INSL3: variants seen among roughly 807,000 people sequenced by gnomAD.
INSL3 encodes the protein insulin like 3.
INSL3 carries 6 observed loss-of-function variants against 5.5 expected under a neutral mutation model. The ratio of observed to expected loss-of-function variants is 1.08; its 90% CI spans 0.59 to 2.14. The LOEUF (loss-of-function observed/expected upper bound fraction) is 2.14, where lower values mean the gene tolerates loss of function less well. INSL3 is among the 30% of genes most tolerant of loss of function. The probability of loss-of-function intolerance (pLI) is 0.00; values close to 1 mark genes in which losing one functional copy is unlikely to be tolerated. For synonymous variants in INSL3, 86 were observed against 82.1 expected (o/e 1.05, Z -0.26); for missense variants, 178 against 184.7 (o/e 0.96, Z 0.21).
intron 1 of INSL3, among the ~76,000 whole-genome samples, chr19:17,819,642 C>A (rs1006333806): frequency 6.6e-6 from 1 of 151,928 alleles, no homozygotes; most frequent in Admixed American, 6.6e-5. Flanking sequence ...GAGATTGAGA[C>A]CATCCTTGCT....
At chr19:17,819,840 T>TCAAAACAAAACAAAA (rs368680133) in intron 1 of INSL3, among the ~76,000 whole-genome samples, 3 of 149,578 alleles carry the variant, frequency 2.0e-5, no homozygotes, top group African/African-American at 7.4e-5. Flanking sequence ...AGACTCAATG[T>TCAAAACAAAACAAAA]CAAAACAAAA....
Position 17,816,654 on chromosome 19 carries a change from A to G in INSL3, c.*200T>C, listed in dbSNP as rs1326929901. ...TGTGAAAGCGGGGATCCTCCAAGCC[A>G]GGGCTAGGGTGTGATTTATTCTGCA... On this transcript the variant is annotated 3_prime_UTR_variant, in exon 2 of 2. Coordinates refer to ENST00000317306, the MANE Select transcript of INSL3 (RefSeq NM_005543.4). The G allele has an allele frequency of 4.9e-6, 3 of 611,906 alleles. No homozygotes were observed. In the African/African-American group the frequency reaches 5.5e-5, roughly 11 times the overall value. 37.9% of individuals were successfully genotyped at this position (611,906 alleles called of 1,614,324 possible). A position where few individuals can be genotyped will look rare whatever the true frequency, so the allele number is the denominator to read the frequency against.
chr19:17,819,618 G>A (rs2094192598), intron 1 of INSL3, among the ~76,000 whole-genome samples: 1 of 151,946 alleles, frequency 6.6e-6, no homozygotes, highest in Non-Finnish European at 1.5e-5. Context: ...GAGGCAGGTG[G>A]ATCACGAGAT....
intron 1 of INSL3, among the ~76,000 whole-genome samples, chr19:17,817,896 A>T (rs558525876): frequency 6.7e-6 from 1 of 149,964 alleles, no homozygotes; most frequent in South Asian, 2.1e-4. Flanking sequence ...GTCCACACTC[A>T]CATCCCCAGC....
intron 1 of INSL3, 25 bp from the exon 2 acceptor site, chr19:17,817,084 G>A: frequency 6.2e-7 from 1 of 1,605,844 alleles, no homozygotes; most frequent in Non-Finnish European, 8.5e-7. Flanking sequence ...AAACTCAGCT[G>A]GAACGGAAAC....
At chr19:17,821,064 A>G (rs1022947408) in intron 1 of INSL3, among the ~76,000 whole-genome samples, 1 of 151,746 alleles carries the variant, frequency 6.6e-6, no homozygotes, top group East Asian at 1.9e-4. Context: ...CTGGGGATCC[A>G]CCCGCCTCAG....
At position 17,816,725 on chromosome 19, in the gene INSL3, G is replaced by A; in HGVS notation, c.*129C>T. ...GTGGCATTGGTCTGGGGTAGATAGT[G>A]AGCACCCATCCCAGGAGGTAATCAA... On this transcript the variant is annotated 3_prime_UTR_variant, in exon 2 of 2. Coordinates refer to ENST00000317306, the MANE Select transcript of INSL3 (RefSeq NM_005543.4). 1 of 836,234 alleles carries A rather than the reference G, an allele frequency of 1.2e-6. No individual in the cohort carries two copies. 51.8% of individuals were successfully genotyped at this position (836,234 alleles called of 1,614,324 possible).
chr19:17,816,721 T>C lies in INSL3; in HGVS notation c.*133A>G. The C allele has an allele frequency of 1.2e-6, 1 of 807,166 alleles. No individual in the cohort carries two copies. The highest frequency in any genetic ancestry group is 2.1e-6 in the Non-Finnish European group (1 of 486,874). The allele number at this position is 807,166 out of a possible 1,614,324, so 50.0% of individuals were successfully genotyped here. A position where few individuals can be genotyped will look rare whatever the true frequency, so the allele number is the denominator to read the frequency against. On this transcript the variant is annotated 3_prime_UTR_variant, in exon 2 of 2. Transcript: ENST00000317306. Reference sequence around the variant, plus strand: ...GCAGGTGGCATTGGTCTGGGGTAGATAGTGAGCACCCATCCCAGGAGGTAA... The same window carrying C: ...GCAGGTGGCATTGGTCTGGGGTAGACAGTGAGCACCCATCCCAGGAGGTAA...
chr19:17,821,490 G>A lies in INSL3; in HGVS notation c.17C>T (p.Pro6Leu). 1 of 1,497,126 alleles carries A rather than the reference G, an allele frequency of 6.7e-7. No individual in the cohort carries two copies. The highest frequency in any genetic ancestry group is 8.9e-7 in the Non-Finnish European group (1 of 1,119,202). 92.7% of individuals were successfully genotyped at this position (1,497,126 alleles called of 1,614,324 possible). A position where few individuals can be genotyped will look rare whatever the true frequency, so the allele number is the denominator to read the frequency against. MDPRL[P>L]AWALVLLGPA... Reference sequence around the variant, plus strand: ...GCCCAGCAGCACCAGCGCCCAGGCGGGCAGACGGGGGTCCATGGTGGTGGG... The same window carrying A: ...GCCCAGCAGCACCAGCGCCCAGGCGAGCAGACGGGGGTCCATGGTGGTGGG... The change falls in exon 1 of 2, where the codon CCC becomes CTC. Residue 6 changes from proline (P) to leucine (L), a missense_variant. Pro to Leu is a moderately conservative substitution (Grantham distance 98). Transcript: ENST00000317306.
chr19:17,816,551 G>C lies in INSL3; in HGVS notation c.*303C>G. 1 of 461,220 alleles carries C rather than the reference G, an allele frequency of 2.2e-6. No homozygotes were observed. The highest frequency in any genetic ancestry group is 2.3e-5 in the South Asian group (1 of 43,588). The allele number at this position is 461,220 out of a possible 1,614,324, so 28.6% of individuals were successfully genotyped here. ...TTTATTTACTAAGAGACAGCAAGAA[G>C]GGGTGTTACACATGCAGGGAGCGGA... On this transcript the variant is annotated 3_prime_UTR_variant, in exon 2 of 2. Transcript: ENST00000317306.
At chr19:17,821,171 C>A in intron 1 of INSL3, 146 bp downstream of exon 1, 2 of 975,450 alleles carry the variant, frequency 2.1e-6, no homozygotes, top group Admixed American at 4.2e-5. Context: ...CCAGTGCGGA[C>A]CCACGATCTG....
chr19:17,819,427 A>G (rs1196188060), intron 1 of INSL3, among the ~76,000 whole-genome samples: 1 of 151,940 alleles, frequency 6.6e-6, no homozygotes, highest in African/African-American at 2.4e-5. Flanking sequence ...AAGTATTTTA[A>G]TGCAATACTT....
intron 1 of INSL3, chr19:17,820,336 A>G: frequency 2.6e-6 from 1 of 377,950 alleles, no homozygotes; most frequent in Middle Eastern, 8.0e-4. Context: ...AATTGTGAAA[A>G]GCAATACTTT....
intron 1 of INSL3, among the ~76,000 whole-genome samples, chr19:17,817,830 T>C (rs1387192437): frequency 1.4e-5 from 2 of 142,892 alleles, no homozygotes; most frequent in Non-Finnish European, 3.0e-5. Context: ...CGAGCACTTA[T>C]TAAGCACCTA....
intron 1 of INSL3, among the ~76,000 whole-genome samples, 194 bp downstream of exon 1, chr19:17,821,122 AC>A (rs1224631508): frequency 6.6e-6 from 1 of 152,094 alleles, no homozygotes; most frequent in Non-Finnish European, 1.5e-5. Flanking sequence ...CGCCTGGCTA[AC>A]GGCTCTGGGG....
At chr19:17,820,460 C>A (rs2094193789) in intron 1 of INSL3, 1 of 346,436 alleles carries the variant, frequency 2.9e-6, no homozygotes, top group Non-Finnish European at 5.5e-6. Flanking sequence ...GAGTTTGAGA[C>A]CAGCCTGGGA....
At chr19:17,821,093 T>C (rs1166788564) in intron 1 of INSL3, among the ~76,000 whole-genome samples, 1 of 152,164 alleles carries the variant, frequency 6.6e-6, no homozygotes, top group Non-Finnish European at 1.5e-5. Context: ...AGTGCTGGGA[T>C]TGCAGGCGTG....
chr19:17,817,795 CAA>C (rs58956953), intron 1 of INSL3, among the ~76,000 whole-genome samples: 838 of 40,186 alleles, frequency 0.021, 10 homozygotes, highest in African/African-American at 0.081. Flanking sequence ...AACTCCATCT[CAA>C]AAAAAAAAAA....
intron 1 of INSL3, among the ~76,000 whole-genome samples, chr19:17,818,666 C>A (rs1689749087): frequency 6.6e-6 from 1 of 151,836 alleles, no homozygotes; most frequent in African/African-American, 2.4e-5. Flanking sequence ...TACCCTCTAC[C>A]CAATCTGCAG....
Sources: allele counts gnomAD v4.1 joint callset (sites outside exome capture counted in the v4.1 genomes callset), GRCh38; gene constraint gnomAD v4.1.1; transcripts MANE v1.5; gene names NCBI Gene and HGNC (gene_info 2026-07-23, HGNC 2026-07-21).